The following PPP3CA variants were observed in gnomAD, a reference collection of about 807,000 sequenced individuals.
The protein encoded by PPP3CA is CAM-PRP catalytic subunit.
PPP3CA carries 14 observed loss-of-function variants against 66.5 expected under a neutral mutation model. The ratio of observed to expected loss-of-function variants is 0.21; its 90% CI spans 0.14 to 0.33. The LOEUF (loss-of-function observed/expected upper bound fraction) is 0.33. Among genes scored for constraint, PPP3CA ranks in the 10% least tolerant of loss-of-function variants. PPP3CA has a pLI of 1.00. For synonymous variants in PPP3CA, 232 were observed against 226.2 expected, an observed-to-expected ratio of 1.03 and a Z score of -0.23; for missense variants, 317 against 639.5, an observed-to-expected ratio of 0.50 and a Z score of 5.44.
At chr4:101,261,192 CT>C (rs1459797258) in intron 1 of PPP3CA, among the ~76,000 whole-genome samples, 4 of 152,064 alleles carry the variant, frequency 2.6e-5, no homozygotes, top group Admixed American at 2.6e-4. Flanking sequence ...TGAGGTCTGG[CT>C]AACTAAATCA....
intron 1 of PPP3CA, among the ~76,000 whole-genome samples, chr4:101,305,980 T>A (rs970658859): frequency 1.3e-5 from 2 of 149,676 alleles, no homozygotes; most frequent in Non-Finnish European, 3.0e-5. Context: ...AGTAGGAGAT[T>A]TTTTTTTTTT....
intron 10 of PPP3CA, among the ~76,000 whole-genome samples, chr4:101,048,571 CAAAAGAG>C (rs1727873597): frequency 7.5e-6 from 1 of 134,014 alleles, no homozygotes; most frequent in Non-Finnish European, 1.6e-5. Flanking sequence ...CTATTTTGGG[CAAAAGAG>C]AAACACATTC....
At position 101,128,862 on chromosome 4, in the gene PPP3CA, A is replaced by G. The variant is rs568298465; in HGVS notation, c.260-19784T>C. ...AAGCTAGCTGCAGGAGTTTTTTTTC[A>G]TACCCCAGTGGTGGCTGGAAGACAA... On this transcript the variant is annotated intron_variant, in intron 2 of 13. Coordinates refer to ENST00000394854, the MANE Select transcript of PPP3CA (RefSeq NM_000944.5). Among the ~76,000 whole-genome samples the G allele has an allele frequency of 2.0e-5, 3 of 152,032 alleles. No individual in the cohort carries two copies. In the East Asian group the frequency reaches 5.8e-4, roughly 29 times the overall value.
In PPP3CA at chr4:101,346,893, C is replaced by G; in HGVS notation, c.-97G>C. 1 of 1,419,970 alleles carries G rather than the reference C, an allele frequency of 7.0e-7. No individual in the cohort carries two copies. Among genetic ancestry groups the G allele is most frequent in the East Asian group, 2.5e-5 (1 of 39,694 alleles). 88.0% of individuals were successfully genotyped at this position (1,419,970 alleles called of 1,614,324 possible). The stretch of plus-strand genomic sequence containing the variant: ...AGACACTCAACGCCGCCGCCGCCGC[C>G]GCCGCCGCCGCGCTGCAAACCGCTC... On this transcript the variant is annotated 5_prime_UTR_variant, in exon 1 of 14. Transcript: ENST00000394854.
intron 1 of PPP3CA, among the ~76,000 whole-genome samples, chr4:101,330,085 A>G (rs1221073322): frequency 6.6e-6 from 1 of 152,148 alleles, no homozygotes; most frequent in African/African-American, 2.4e-5. Flanking sequence ...AACCTTCTGG[A>G]AAGGATTCAC....
At chr4:101,116,981 T>C (rs1291007836) in intron 2 of PPP3CA, among the ~76,000 whole-genome samples, 3 of 151,724 alleles carry the variant, frequency 2.0e-5, no homozygotes, top group Admixed American at 1.3e-4. Flanking sequence ...AAATTATATA[T>C]ATATGAAATT....
intron 1 of PPP3CA, among the ~76,000 whole-genome samples, chr4:101,229,933 AAGAG>A (rs1037567356): frequency 4.6e-5 from 7 of 151,648 alleles, no homozygotes; most frequent in African/African-American, 1.7e-4. Context: ...AGATTGGAAA[AAGAG>A]AGAGAGATAT....
intron 2 of PPP3CA, among the ~76,000 whole-genome samples, chr4:101,123,677 A>G (rs1361317810): frequency 6.6e-6 from 1 of 152,076 alleles, no homozygotes; most frequent in Admixed American, 6.6e-5. Flanking sequence ...CAAAATATAC[A>G]AAAAAACCCC....
At chr4:101,294,086 A>C (rs1728117336) in intron 1 of PPP3CA, among the ~76,000 whole-genome samples, 1 of 152,236 alleles carries the variant, frequency 6.6e-6, no homozygotes, top group Admixed American at 6.5e-5. Flanking sequence ...TAACTGAGGA[A>C]TGTCAACATC....
intron 2 of PPP3CA, among the ~76,000 whole-genome samples, chr4:101,110,567 A>G (rs1721635707): frequency 6.6e-6 from 1 of 152,200 alleles, no homozygotes; most frequent in Non-Finnish European, 1.5e-5. Context: ...GTAGACTCCA[A>G]TCATATAGCT....
intron 1 of PPP3CA, among the ~76,000 whole-genome samples, chr4:101,346,132 G>A (rs1473952542): frequency 2.0e-5 from 3 of 150,048 alleles, no homozygotes; most frequent in African/African-American, 7.4e-5. Context: ...AGGAAGCGCC[G>A]GGCTCCCCCC....
At chr4:101,164,341 A>G (rs1723619445) in intron 2 of PPP3CA, among the ~76,000 whole-genome samples, 1 of 152,150 alleles carries the variant, frequency 6.6e-6, no homozygotes, top group South Asian at 2.1e-4. Context: ...TTTGTCTTCT[A>G]CTGTTAAGAC....
At chr4:101,106,883 C>A (rs1178893435) in intron 3 of PPP3CA, among the ~76,000 whole-genome samples, 2 of 152,172 alleles carry the variant, frequency 1.3e-5, no homozygotes, top group African/African-American at 2.4e-5. Flanking sequence ...CCACGCTGTG[C>A]CACATCAGTC....
intron 2 of PPP3CA, among the ~76,000 whole-genome samples, chr4:101,128,029 G>C (rs1722301391): frequency 6.6e-6 from 1 of 152,074 alleles, no homozygotes; most frequent in South Asian, 2.1e-4. Context: ...TGTACATATA[G>C]GACTTTCTGC....
chr4:101,249,161 T>G (rs1334802952), intron 1 of PPP3CA, among the ~76,000 whole-genome samples: 7 of 70,812 alleles, frequency 9.9e-5, no homozygotes, highest in Admixed American at 1.6e-4. Context: ...AGCGAGACTC[T>G]GTCTCAAAAA....
At chr4:101,116,977 T>C (rs1721855668) in intron 2 of PPP3CA, among the ~76,000 whole-genome samples, 1 of 151,666 alleles carries the variant, frequency 6.6e-6, no homozygotes. Flanking sequence ...TAAAAAATTA[T>C]ATATATATGA....
At chr4:101,096,743 C>T (rs1252411145) in intron 5 of PPP3CA, among the ~76,000 whole-genome samples, 1 of 152,126 alleles carries the variant, frequency 6.6e-6, no homozygotes, top group Non-Finnish European at 1.5e-5. Flanking sequence ...ATTTTCCAAA[C>T]CTATTTCAAT....
At chr4:101,118,945 A>G (rs937372350) in intron 2 of PPP3CA, among the ~76,000 whole-genome samples, 2 of 149,698 alleles carry the variant, frequency 1.3e-5, no homozygotes, top group African/African-American at 5.0e-5. Context: ...AAGGAGACTC[A>G]GAACTTACAG....
intron 2 of PPP3CA, among the ~76,000 whole-genome samples, chr4:101,194,819 G>A (rs970165630): frequency 6.6e-5 from 10 of 151,820 alleles, no homozygotes; most frequent in South Asian, 2.1e-4. Context: ...CACCCACCTC[G>A]GCCTCCCAAA....
Sources: gnomAD v4.1 joint callset for allele counts (sites outside exome capture counted in the v4.1 genomes callset) on GRCh38, gnomAD v4.1.1 for gene constraint, MANE v1.5 for transcripts, NCBI Gene and HGNC (gene_info 2026-07-23, HGNC 2026-07-21) for gene names.